The following METAP1 variants were observed in gnomAD, a reference collection of about 807,000 sequenced individuals.
METAP1 encodes the protein methionyl aminopeptidase 1, also known as methionine aminopeptidase 1.
METAP1 carries 28 observed loss-of-function variants against 53.8 expected under a neutral mutation model. The ratio of observed to expected loss-of-function variants is 0.52; its 90% CI spans 0.39 to 0.71. The LOEUF is 0.71. METAP1 is among the 30% of genes least tolerant of loss of function. The probability of loss-of-function intolerance (pLI) is 0.00; values close to 1 mark genes in which losing one functional copy is unlikely to be tolerated. For missense variants in METAP1, 389 were observed against 479.8 expected (o/e 0.81, Z 1.77); for synonymous variants, 181 against 165.7 (o/e 1.09, Z -0.71).
At chr4:99,047,554 A>G (rs1338470528) in intron 8 of METAP1, among the ~76,000 whole-genome samples, 1 of 152,240 alleles carries the variant, frequency 6.6e-6, no homozygotes. Context: ...TTCTCCCCCC[A>G]AAATCAAGCT....
intron 10 of METAP1, among the ~76,000 whole-genome samples, chr4:99,060,009 A>T (rs991289829): frequency 1.3e-5 from 2 of 152,236 alleles, no homozygotes; most frequent in Admixed American, 1.3e-4. Flanking sequence ...AAACATTTAC[A>T]TGATTTCCTT....
intron 1 of METAP1, among the ~76,000 whole-genome samples, chr4:99,008,556 A>G (rs1723297387): frequency 6.6e-6 from 1 of 152,194 alleles, no homozygotes; most frequent in Non-Finnish European, 1.5e-5. Flanking sequence ...TTACATATGT[A>G]CTATATACAG....
At position 99,012,254 on chromosome 4, in the gene METAP1, G is replaced by A. The variant is rs559748366; in HGVS notation, c.114+16387G>A. Among the ~76,000 whole-genome samples the A allele has an allele frequency of 1.4e-3, 196 of 139,024 alleles. 1 individual carries two copies. The highest frequency in any genetic ancestry group is 1.7e-3 in the Non-Finnish European group (109 of 64,816). The allele number at this position is 139,024 out of a possible 152,430, so 91.2% of individuals were successfully genotyped here. ...TTTTCTAGTTCTTGAGGTAAAAGTC[G>A]GGTTGTTAATGTGAGTTTTTTTTTT... On this transcript the variant is annotated intron_variant, in intron 1 of 10. Coordinates refer to ENST00000296411, the MANE Select transcript of METAP1 (RefSeq NM_015143.3).
At chr4:99,049,839 CAG>C (rs1275021053) in intron 9 of METAP1, among the ~76,000 whole-genome samples, 1 of 152,170 alleles carries the variant, frequency 6.6e-6, no homozygotes, top group Non-Finnish European at 1.5e-5. Flanking sequence ...TGCATGAAAA[CAG>C]TACATGAAAG....
At chr4:99,021,018 C>T (rs1321360861) in intron 1 of METAP1, among the ~76,000 whole-genome samples, 2 of 152,178 alleles carry the variant, frequency 1.3e-5, no homozygotes, top group Non-Finnish European at 2.9e-5. Context: ...CCAGTAGACT[C>T]AATCCCCCAG....
In METAP1 at chr4:99,040,657, C is replaced by CTT. The variant is rs11308360; in HGVS notation, c.433-368_433-367dup. On this transcript the variant is annotated intron_variant, in intron 5 of 10. Transcript: ENST00000296411. ...AGGCATGTGCCACTACACCTGACTACTTTTTTTTTTTTTTTTTTTAAGAGA... is the reference window on the plus strand; with the variant it reads ...AGGCATGTGCCACTACACCTGACTACTTTTTTTTTTTTTTTTTTTTTAAGAGA... 2.2e-3 allele frequency among the ~76,000 whole-genome samples: 299 copies of CTT among 133,932 alleles called. 1 individual carries two copies. Among genetic ancestry groups the CTT allele is most frequent in the African/African-American group, 7.9e-3 (285 of 36,208 alleles). The allele number at this position is 133,932 out of a possible 152,430, so 87.9% of individuals were successfully genotyped here. A position where few individuals can be genotyped will look rare whatever the true frequency, so the allele number is the denominator to read the frequency against.
chr4:99,047,030 A>G (rs888165386), intron 8 of METAP1, among the ~76,000 whole-genome samples: 2 of 151,924 alleles, frequency 1.3e-5, no homozygotes, highest in East Asian at 1.9e-4. Context: ...AATAGTTTTC[A>G]TAACAGTAGC....
At chr4:99,023,152 C>T (rs531370866) in intron 1 of METAP1, 10 of 722,100 alleles carry the variant, frequency 1.4e-5, no homozygotes, top group African/African-American at 7.1e-5. Context: ...ACGAGCAGCA[C>T]GACCTAATTT....
In METAP1 at chr4:99,062,388, T is replaced by C. The variant is rs1353810184; in HGVS notation, c.*1071T>C. ...TTCGTGTGTGGAAACACACCTCTCCTTTACATAGTTGGGAACCTCATTAGA... is the reference window on the plus strand; with the variant it reads ...TTCGTGTGTGGAAACACACCTCTCCCTTACATAGTTGGGAACCTCATTAGA... On this transcript the variant is annotated 3_prime_UTR_variant, in exon 11 of 11. Transcript: ENST00000296411. 1.3e-5 allele frequency: 2 copies of C among 152,590 alleles called. No individual in the cohort carries two copies. Among genetic ancestry groups the C allele is most frequent in the Non-Finnish European group, 2.9e-5 (2 of 68,064 alleles). 9.5% of individuals were successfully genotyped at this position (152,590 alleles called of 1,614,324 possible).
intron 1 of METAP1, chr4:99,026,424 G>T (rs1178259033): frequency 2.0e-6 from 2 of 985,306 alleles, no homozygotes; most frequent in Non-Finnish European, 1.2e-6. Flanking sequence ...TTTAGAGAAA[G>T]TAGCATTTGA....
At position 98,995,758 on chromosome 4, in the gene METAP1, C is replaced by G; in HGVS notation, c.5C>G (p.Ala2Gly). 1 of 1,544,362 alleles carries G rather than the reference C, an allele frequency of 6.5e-7. No homozygotes were observed. The highest frequency in any genetic ancestry group is 2.5e-5 in the East Asian group (1 of 39,878). The change falls in exon 1 of 11, where the codon GCG becomes GGG. Residue 2 changes from alanine (A) to glycine (G), a missense_variant. Transcript: ENST00000296411. Reference protein sequence around the residue: MAAVETRVCETD... With the variant: MGAVETRVCETD... ...CTCTTCCAGCGGGCAGGCAGCATGG[C>G]GGCCGTGGAGACGCGGGTGTGCGAG...
chr4:99,032,291 A>T (rs1358682628), intron 2 of METAP1, among the ~76,000 whole-genome samples: 2 of 151,356 alleles, frequency 1.3e-5, no homozygotes. Context: ...GCAGTGGTGC[A>T]ATCATGGCTC....
intron 1 of METAP1, chr4:99,026,625 G>A: frequency 7.1e-6 from 7 of 985,396 alleles, no homozygotes; most frequent in Non-Finnish European, 8.4e-6. Flanking sequence ...GCCCTGTTAA[G>A]GAGTCAGAAA....
rs56702946 is a variant in METAP1 at position 99,046,936 on chromosome 4, C to CAA, written c.787+1647_787+1648dup. ...CTTCTCTGTGAATCAACTGAAGAAACAAAAAAAAAAAAAAAAAAAAAAGAA... is the reference window on the plus strand; with the variant it reads ...CTTCTCTGTGAATCAACTGAAGAAACAAAAAAAAAAAAAAAAAAAAAAAAGAA... On this transcript the variant is annotated intron_variant, in intron 8 of 10. Transcript: ENST00000296411. Among the ~76,000 whole-genome samples, 304 of 82,206 alleles carry CAA rather than the reference C, an allele frequency of 3.7e-3. 3 individuals are homozygous for CAA. The highest frequency in any genetic ancestry group is 8.6e-3 in the East Asian group (24 of 2,806). 53.9% of individuals were successfully genotyped at this position (82,206 alleles called of 152,430 possible).
In METAP1 at chr4:99,061,303, A is replaced by G. The variant is rs577099767; in HGVS notation, c.1147A>G (p.Met383Val). The G allele has an allele frequency of 1.2e-6, 2 of 1,613,010 alleles. No individual in the cohort carries two copies. The highest frequency in any genetic ancestry group is 1.3e-5 in the African/African-American group (1 of 75,006). ...ACTTGACAGTGCACGGCCTCACTTC[A>G]TGTCTCAATTTTAATTTCTCCCAAG... is the stretch of plus-strand genomic sequence containing the variant. ...RRLDSARPHF[M>V]SQF Residue 383 changes from methionine (M) to valine (V), a missense_variant, in exon 11 of 11, where the codon ATG becomes GTG. Physicochemically the swap from Met to Val is conservative, Grantham distance 21. Transcript: ENST00000296411.
intron 1 of METAP1, chr4:99,023,363 T>A: frequency 1.2e-6 from 1 of 856,272 alleles, no homozygotes; most frequent in Non-Finnish European, 1.4e-6. Flanking sequence ...GTCAAAGTAT[T>A]TTTTTTTGTC....
intron 2 of METAP1, among the ~76,000 whole-genome samples, chr4:99,031,981 A>G (rs1725072772): frequency 6.6e-6 from 1 of 152,320 alleles, no homozygotes; most frequent in East Asian, 1.9e-4. Context: ...ACTAGTTATT[A>G]TGCAGTTGTG....
rs962977040 is a variant in METAP1 at position 99,023,071 on chromosome 4, T to C, written c.115-5796T>C. On this transcript the variant is annotated intron_variant, in intron 1 of 10. Coordinates refer to ENST00000296411, the MANE Select transcript of METAP1 (RefSeq NM_015143.3). ...CTGCTCCTCCTCCACATCTAGTGTC[T>C]GGTCTGTCCCTTCCAGCGCCTTTGC... The C allele has an allele frequency of 2.3e-6, 3 of 1,332,546 alleles. No individual in the cohort carries two copies. In the African/African-American group the frequency reaches 4.4e-5, roughly 19 times the overall value. 82.5% of individuals were successfully genotyped at this position (1,332,546 alleles called of 1,614,324 possible). A position where few individuals can be genotyped will look rare whatever the true frequency, so the allele number is the denominator to read the frequency against.
chr4:99,028,532 AG>A (rs902674917), intron 1 of METAP1, among the ~76,000 whole-genome samples: 6 of 151,698 alleles, frequency 4.0e-5, no homozygotes, highest in African/African-American at 1.5e-4. Context: ...ATTTTCTTGC[AG>A]TTTTTTTCCA....
Sources: gnomAD v4.1 joint callset for allele counts (sites outside exome capture counted in the v4.1 genomes callset) on GRCh38, gnomAD v4.1.1 for gene constraint, MANE v1.5 for transcripts, NCBI Gene and HGNC (gene_info 2026-07-23, HGNC 2026-07-21) for gene names.